The following PPP1R17 variants were observed in gnomAD, a reference collection of about 807,000 sequenced individuals.
PPP1R17 encodes the protein G-substrate.
Under a neutral mutation model 15.9 loss-of-function variants are expected in PPP1R17, and 12 were observed. The ratio of observed to expected loss-of-function variants is 0.75; its 90% CI spans 0.48 to 1.22. PPP1R17 has a LOEUF of 1.22. Among genes scored for constraint, PPP1R17 ranks in the 50% most tolerant of loss-of-function variants. The pLI is 0.00. For missense variants in PPP1R17, 211 were observed against 187.3 expected, an observed-to-expected ratio of 1.13 and a Z score of -0.74; for synonymous variants, 63 against 64.5, an observed-to-expected ratio of 0.98 and a Z score of 0.11.
At chr7:31,701,285 G>T (rs749967860) in intron 4 of PPP1R17, among the ~76,000 whole-genome samples, 1 of 152,152 alleles carries the variant, frequency 6.6e-6, no homozygotes, top group Non-Finnish European at 1.5e-5. Context: ...AGTTTGAGAG[G>T]TTCAAGACTT....
chr7:31,691,797 T>TAAAAAAA (rs377169335), intron 1 of PPP1R17, among the ~76,000 whole-genome samples: 6 of 86,522 alleles, frequency 6.9e-5, no homozygotes, highest in Non-Finnish European at 1.1e-4. Flanking sequence ...ATGTAATGAT[T>TAAAAAAA]AAAAAAAAAA....
intron 3 of PPP1R17, 84 bp from the exon 4 acceptor site, chr7:31,696,881 G>A (rs1792606124): frequency 2.1e-6 from 3 of 1,440,410 alleles, no homozygotes; most frequent in South Asian, 2.8e-5. Context: ...GTCTTCACCA[G>A]ATGTCTATAA....
At chr7:31,701,102 A>T (rs1792830449) in intron 4 of PPP1R17, among the ~76,000 whole-genome samples, 1 of 152,210 alleles carries the variant, frequency 6.6e-6, no homozygotes, top group Non-Finnish European at 1.5e-5. Context: ...GCAAACCTAG[A>T]GCTGCTATAG....
At chr7:31,703,886 T>C (rs888590983) in intron 4 of PPP1R17, among the ~76,000 whole-genome samples, 5 of 152,214 alleles carry the variant, frequency 3.3e-5, no homozygotes, top group African/African-American at 1.2e-4. Flanking sequence ...AAAGGGGTCA[T>C]CTCAAGCTTC....
chr7:31,692,554 G>T, intron 2 of PPP1R17, 31 bp downstream of exon 2: 1 of 1,558,938 alleles, frequency 6.4e-7, no homozygotes, highest in Non-Finnish European at 8.8e-7. Context: ...GAATGTCAGT[G>T]GTGGAAGTCA....
chr7:31,691,797 T>TAAAAAAAA (rs377169335), intron 1 of PPP1R17, among the ~76,000 whole-genome samples: 8 of 86,538 alleles, frequency 9.2e-5, no homozygotes, highest in African/African-American at 1.8e-4. Flanking sequence ...ATGTAATGAT[T>TAAAAAAAA]AAAAAAAAAA....
chr7:31,699,594 C>A (rs1792754409), intron 4 of PPP1R17, among the ~76,000 whole-genome samples: 1 of 151,942 alleles, frequency 6.6e-6, no homozygotes, highest in Non-Finnish European at 1.5e-5. Flanking sequence ...TATAGGCCTA[C>A]CTCATTCCAT....
At chr7:31,697,566 A>C (rs1380293957) in intron 4 of PPP1R17, among the ~76,000 whole-genome samples, 1 of 152,212 alleles carries the variant, frequency 6.6e-6, no homozygotes, top group Non-Finnish European at 1.5e-5. Flanking sequence ...AAATCAAACA[A>C]AAAAAATCAT....
intron 4 of PPP1R17, among the ~76,000 whole-genome samples, chr7:31,703,047 A>G (rs1792921122): frequency 6.6e-6 from 1 of 152,216 alleles, no homozygotes; most frequent in South Asian, 2.1e-4. Context: ...CAATTAACAT[A>G]AACTGTAAAA....
At chr7:31,690,407 G>C (rs947752927) in intron 1 of PPP1R17, among the ~76,000 whole-genome samples, 1 of 152,186 alleles carries the variant, frequency 6.6e-6, no homozygotes, top group Non-Finnish European at 1.5e-5. Context: ...GGACAGAGAG[G>C]GACATATGTT....
chr7:31,708,223 G>A lies in PPP1R17; in HGVS notation c.*940G>A, dbSNP rs1430276056. 6.6e-6 allele frequency: 1 copy of A among 152,198 alleles called. No individual in the cohort carries two copies. Among genetic ancestry groups the A allele is most frequent in the East Asian group, 1.9e-4 (1 of 5,192 alleles). 9.4% of individuals were successfully genotyped at this position (152,198 alleles called of 1,614,324 possible). ...GTCCTTGCCCCAGCCTGCAATCTGT[G>A]GATGCCCAGGGGAAGGCATACAGGC... On this transcript the variant is annotated 3_prime_UTR_variant, in exon 5 of 5. Transcript: ENST00000342032.
intron 2 of PPP1R17, among the ~76,000 whole-genome samples, chr7:31,695,040 C>T (rs1792519709): frequency 6.6e-6 from 1 of 152,142 alleles, no homozygotes; most frequent in South Asian, 2.1e-4. Flanking sequence ...CCGAGGGAAC[C>T]TTTCTAAGAT....
chr7:31,698,646 T>C (rs894441655), intron 4 of PPP1R17, among the ~76,000 whole-genome samples: 12 of 152,236 alleles, frequency 7.9e-5, no homozygotes, highest in Non-Finnish European at 1.6e-4. Flanking sequence ...ACTTGTCACA[T>C]CCTGGGCTCT....
chr7:31,687,577 G>T (rs34159), intron 1 of PPP1R17, among the ~76,000 whole-genome samples: 159 of 152,302 alleles, frequency 1.0e-3, no homozygotes, highest in Middle Eastern at 6.8e-3. Context: ...ATTCACACAG[G>T]ATAGAGAGGT....
intron 3 of PPP1R17, 114 bp downstream of exon 3, chr7:31,695,735 T>G: frequency 2.0e-6 from 2 of 1,022,624 alleles, no homozygotes; most frequent in Non-Finnish European, 2.8e-6. Context: ...ATTTGTGCAC[T>G]CCCCACCTCT....
At chr7:31,695,891 C>T (rs111463234) in intron 3 of PPP1R17, 8,454 of 265,826 alleles carry the variant, frequency 0.032, 218 homozygotes, top group African/African-American at 0.072. Flanking sequence ...TTCAAAGAGT[C>T]ATTCAGGGAC....
Position 31,688,388 on chromosome 7 carries a change from G to A in PPP1R17, c.-37+1082G>A, listed in dbSNP as rs34163. 6.6e-3 allele frequency among the ~76,000 whole-genome samples: 1,009 copies of A among 152,250 alleles called. 13 individuals carry two copies. The highest frequency in any genetic ancestry group is 0.019 in the African/African-American group (783 of 41,548). On this transcript the variant is annotated intron_variant, in intron 1 of 4. Coordinates refer to ENST00000342032, the MANE Select transcript of PPP1R17 (RefSeq NM_006658.5). ...GAATTTTCTTCCCATAATTTAAACC[G>A]CATATTCTCACATCCAACTGAGAAA...
intron 1 of PPP1R17, among the ~76,000 whole-genome samples, chr7:31,691,283 C>G (rs1300054587): frequency 6.6e-6 from 1 of 152,194 alleles, no homozygotes; most frequent in Non-Finnish European, 1.5e-5. Flanking sequence ...CAAAAGACAA[C>G]AGAGTTGAAC....
rs570125657 is a variant in PPP1R17, at chr7:31,705,732, A to T, written c.389-1472A>T. Among the ~76,000 whole-genome samples, 37 of 111,496 alleles carry T rather than the reference A, an allele frequency of 3.3e-4. No individual in the cohort carries two copies. The South Asian group carries it at 9.7e-3, about 29-fold the overall frequency. The allele number at this position is 111,496 out of a possible 152,430, so 73.1% of individuals were successfully genotyped here. A position where few individuals can be genotyped will look rare whatever the true frequency, so the allele number is the denominator to read the frequency against. On this transcript the variant is annotated intron_variant, in intron 4 of 4. Transcript: ENST00000342032. Reference sequence around the variant, plus strand: ...AGTGTAGATCTTTATGAAATGCTTCATGGACTGGAAGGCGTCTCATTATGA... The same window carrying T: ...AGTGTAGATCTTTATGAAATGCTTCTTGGACTGGAAGGCGTCTCATTATGA...
Sources: gnomAD v4.1 joint callset for allele counts (sites outside exome capture counted in the v4.1 genomes callset) on GRCh38, gnomAD v4.1.1 for gene constraint, MANE v1.5 for transcripts, NCBI Gene and HGNC (gene_info 2026-07-23, HGNC 2026-07-21) for gene names.